KRT26: variants seen among roughly 807,000 people sequenced by gnomAD.
KRT26 encodes the protein keratin 26, also known as keratin, type I cytoskeletal 26.
A neutral mutation model predicts 46.1 loss-of-function variants in KRT26; 45 were observed. The ratio of observed to expected loss-of-function variants is 0.98; its 90% CI spans 0.77 to 1.25. KRT26 has a LOEUF of 1.25. Among genes scored for constraint, KRT26 ranks in the 50% most tolerant of loss-of-function variants. KRT26 has a pLI of 0.00. For missense variants in KRT26, 582 were observed against 560.1 expected (o/e 1.04, Z -0.39); for synonymous variants, 191 against 209.9 (o/e 0.91, Z 0.78).
chr17:40,769,949 C>G lies in KRT26; in HGVS notation c.843+12G>C. 2 of 1,614,120 alleles carry G rather than the reference C, an allele frequency of 1.2e-6. No homozygotes were observed. The highest frequency in any genetic ancestry group is 1.7e-6 in the Non-Finnish European group (2 of 1,180,024). On this transcript the variant is annotated intron_variant, in intron 4 of 7. Transcript: ENST00000335552. ...TCCTGAGCAAGCCCTTTGTAATTTG[C>G]CATAGACCTACCCTCTCGTTGAACC...
exon 2 of KRT26, chr17:40,771,162 G>A: frequency 6.3e-7 from 1 of 1,587,404 alleles, no homozygotes; most frequent in Non-Finnish European, 8.6e-7. Context: ...ACTTCAGCCT[G>A]AAGTCATCAG....
exon 1 of KRT26, chr17:40,771,970 C>T (rs1442890683): frequency 6.2e-7 from 1 of 1,614,184 alleles, no homozygotes; most frequent in Non-Finnish European, 8.5e-7. Context: ...AAGAGATGCC[C>T]TCAAGAGTAC....
exon 2 of KRT26, chr17:40,771,158 G>T: frequency 6.3e-7 from 1 of 1,578,286 alleles, no homozygotes; most frequent in Non-Finnish European, 8.7e-7. Context: ...ACCTACTTCA[G>T]CCTGAAGTCA....
exon 6 of KRT26, chr17:40,768,985 T>C: frequency 6.2e-7 from 1 of 1,613,852 alleles, no homozygotes; most frequent in Non-Finnish European, 8.5e-7. Context: ...TCTGTTTCTG[T>C]TCGAATCTGT....
exon 7 of KRT26, chr17:40,767,637 A>T (rs1213140698): frequency 1.9e-6 from 3 of 1,606,902 alleles, no homozygotes; most frequent in South Asian, 2.2e-5. Flanking sequence ...GATTTGTAAC[A>T]TGTGGATTTG....
exon 1 of KRT26, chr17:40,772,072 C>T (rs577484269): frequency 3.1e-5 from 50 of 1,614,084 alleles, no homozygotes; most frequent in Middle Eastern, 3.3e-4. Context: ...ACCCAGTTCG[C>T]GAGCAGATCC....
At position 40,766,574 on chromosome 17, in the gene KRT26, T is replaced by C. The variant is rs1207244830; in HGVS notation, c.1348A>G (p.Lys450Glu). The change falls in exon 8 of 8, where the codon AAG becomes GAG. Residue 450 changes from lysine to glutamate, a missense_variant. Transcript: ENST00000335552. The stretch of plus-strand genomic sequence containing the variant: ...GTAATGTTGCTTATTTTAGAGGACT[T>C]TTCTTCAACTGAGTGGACTCTCAGT... 6.2e-7 allele frequency: 1 copy of C among 1,613,750 alleles called. No individual in the cohort carries two copies. Among genetic ancestry groups the C allele is most frequent in the Admixed American group, 1.7e-5 (1 of 60,010 alleles).
At chr17:40,771,236 T>A in exon 2 of KRT26, 2 of 1,570,034 alleles carry the variant, frequency 1.3e-6, no homozygotes, top group Non-Finnish European at 1.8e-6. Flanking sequence ...GCAGAAATAA[T>A]CTAAATAGGG....
rs2038222879 is a variant in KRT26, at chr17:40,771,766, CT to C, written c.347del (p.Lys116ArgfsTer26). 1.2e-6 allele frequency: 2 copies of C among 1,614,066 alleles called. No individual in the cohort carries two copies. The highest frequency in any genetic ancestry group is 1.7e-6 in the Non-Finnish European group (2 of 1,180,044). ...CAGGCTCACATTTCTCGTACCAGCCCTTGATCTTCTGCTCCAGGTCTGCGTT... is the reference window on the plus strand; with the variant it reads ...CAGGCTCACATTTCTCGTACCAGCCCTGATCTTCTGCTCCAGGTCTGCGTT... On this transcript the variant is annotated frameshift_variant, in exon 1 of 8. Coordinates refer to ENST00000335552, the Ensembl canonical transcript of KRT26. LOFTEE classifies it high-confidence loss of function.
exon 8 of KRT26, chr17:40,766,474 C>G: frequency 1.4e-6 from 2 of 1,448,676 alleles, no homozygotes; most frequent in Non-Finnish European, 1.9e-6. Context: ...CTTTCTCTCT[C>G]TCTCTCTTTC....
chr17:40,766,608 A>G, exon 8 of KRT26: 1 of 1,613,224 alleles, frequency 6.2e-7, no homozygotes, highest in Non-Finnish European at 8.5e-7. Flanking sequence ...GTGAAAGGAG[A>G]TTGCCAATTT....
At chr17:40,769,704 A>C in intron 5 of KRT26, 50 bp downstream of exon 5, 2 of 1,586,202 alleles carry the variant, frequency 1.3e-6, no homozygotes, top group Middle Eastern at 1.7e-4. Flanking sequence ...ATCTGTATTG[A>C]CTTATACATA....
exon 8 of KRT26, chr17:40,766,476 C>T: frequency 1.4e-6 from 2 of 1,476,166 alleles, no homozygotes; most frequent in South Asian, 1.4e-5. Context: ...TTCTCTCTCT[C>T]TCTCTTTCTT....
exon 1 of KRT26, chr17:40,771,880 G>A: frequency 6.2e-7 from 1 of 1,614,130 alleles, no homozygotes; most frequent in Non-Finnish European, 8.5e-7. Flanking sequence ...TCCCAGAGAG[G>A]AGGCTGTGCT....
chr17:40,771,144 T>C lies in KRT26; in HGVS notation c.524+10A>G. The stretch of plus-strand genomic sequence containing the variant: ...TTATTAATATAATTAATCAGTTTGT[T>C]TTCACCTACTTCAGCCTGAAGTCAT... On this transcript the variant is annotated intron_variant, in intron 2 of 7. Coordinates refer to ENST00000335552, the Ensembl canonical transcript of KRT26. The C allele has an allele frequency of 6.6e-7, 1 of 1,517,998 alleles. No individual in the cohort carries two copies. Among genetic ancestry groups the C allele is most frequent in the Non-Finnish European group, 9.0e-7 (1 of 1,109,930 alleles). 94.0% of individuals were successfully genotyped at this position (1,517,998 alleles called of 1,614,324 possible). A position where few individuals can be genotyped will look rare whatever the true frequency, so the allele number is the denominator to read the frequency against.
chr17:40,766,452 C>G, exon 8 of KRT26: 1 of 1,330,686 alleles, frequency 7.5e-7, no homozygotes, highest in Non-Finnish European at 1.0e-6. Flanking sequence ...CAAAGGCAGC[C>G]TTTCTTTCTT....
At chr17:40,769,064 A>G in exon 6 of KRT26, 1 of 1,613,926 alleles carries the variant, frequency 6.2e-7, no homozygotes, top group Non-Finnish European at 8.5e-7. Flanking sequence ...AATTTCCTTC[A>G]GTCTCAGCCA....
rs2038196143 is a variant in KRT26 at position 40,769,113 on chromosome 17, G to A, written c.970-17C>T. 1 of 1,543,828 alleles carries A rather than the reference G, an allele frequency of 6.5e-7. No homozygotes were observed. Among genetic ancestry groups the A allele is most frequent in the African/African-American group, 1.4e-5 (1 of 73,564 alleles). Reference sequence around the variant, plus strand: ...GGAATGTTTCTGAAAGAAAAGCAAAGTGAAGCTTGAATGTGTAAAAGAGAA... The same window carrying A: ...GGAATGTTTCTGAAAGAAAAGCAAAATGAAGCTTGAATGTGTAAAAGAGAA... On this transcript the variant is annotated splice_polypyrimidine_tract_variant and intron_variant, in intron 5 of 7. Coordinates refer to ENST00000335552, the Ensembl canonical transcript of KRT26.
At chr17:40,771,561 G>T in intron 1 of KRT26, 112 bp downstream of exon 1, 1 of 920,860 alleles carries the variant, frequency 1.1e-6, no homozygotes, top group Non-Finnish European at 1.6e-6. Context: ...GAAATACAGA[G>T]TGAACAAATC....
Sources: gnomAD v4.1 joint callset for allele counts on GRCh38, gnomAD v4.1.1 for gene constraint, MANE v1.5 for transcripts, NCBI Gene and HGNC (gene_info 2026-07-23, HGNC 2026-07-21) for gene names.